Variants in GSE1 observed in about 807,000 individuals in gnomAD.
GSE1 encodes Gse1 coiled-coil protein.
A neutral mutation model predicts 112.6 loss-of-function variants in GSE1; 32 were observed. The observed-to-expected ratio is 0.28, with a 90% CI of 0.21 to 0.38. The LOEUF is 0.38. Ranked by LOEUF, GSE1 falls within the 10% of genes least tolerant of loss-of-function variation. The pLI is 1.00. For synonymous variants in GSE1, 1,115 were observed against 735.6 expected (o/e 1.52, Z -8.35); for missense variants, 2,348 against 1,699.2 (o/e 1.38, Z -6.71).
intron 1 of GSE1, among the ~76,000 whole-genome samples, chr16:85,264,857 T>C (rs1451441729): frequency 6.6e-6 from 1 of 152,088 alleles, no homozygotes; most frequent in Non-Finnish European, 1.5e-5. Flanking sequence ...GTCCTCGCAT[T>C]TGGAGATCAG....
intron 4 of GSE1, 135 bp downstream of exon 4, chr16:85,654,585 G>A (rs1442007404): frequency 1.2e-6 from 1 of 821,964 alleles, no homozygotes; most frequent in Non-Finnish European, 2.0e-6. Context: ...CTGAGCCCTG[G>A]GGATTGCAGC....
chr16:85,655,762 C>G lies in GSE1; in HGVS notation c.834C>G (p.Ser278=), dbSNP rs774120879. 2 of 1,609,402 alleles carry G rather than the reference C, an allele frequency of 1.2e-6. No individual in the cohort carries two copies. Residue 278 remains serine, a synonymous_variant, in exon 6 of 16, where the codon TCC becomes TCG. Transcript: ENST00000253458. ...DDSYCLSALR[S]PFYPIPTPGS... ...CCTACTGCCTGTCTGCCCTGAGGTCCCCGTTCTACCCCATCCCCACCCCCG... is the reference window on the plus strand; with the variant it reads ...CCTACTGCCTGTCTGCCCTGAGGTCGCCGTTCTACCCCATCCCCACCCCCG...
chr16:85,395,707 G>A (rs893609972), intron 2 of GSE1, among the ~76,000 whole-genome samples: 5 of 152,028 alleles, frequency 3.3e-5, no homozygotes, highest in African/African-American at 7.2e-5. Context: ...TGTCACGTCC[G>A]CCCTCCCCTG....
In GSE1 at chr16:85,663,541, T is replaced by C. The variant is rs1420795949; in HGVS notation, c.2571T>C (p.Ser857=). The C allele has an allele frequency of 6.2e-7, 1 of 1,612,654 alleles. No homozygotes were observed. The highest frequency in any genetic ancestry group is 1.7e-5 in the Admixed American group (1 of 59,862). ...ACAGCCCTGATGAGATGAACAACAG[T>C]CCCAACTTCGAAGAAAAGAAGAAGT... ...TRYSPDEMNN[S]PNFEEKKKFL... Residue 857 remains serine, a synonymous_variant, in exon 11 of 16, where the codon AGT becomes AGC. Transcript: ENST00000253458.
intron 12 of GSE1, 31 bp from the exon 13 acceptor site, chr16:85,665,945 T>G (rs1324889324): frequency 2.5e-6 from 4 of 1,609,168 alleles, no homozygotes; most frequent in Non-Finnish European, 3.4e-6. Flanking sequence ...CTTGCATTTC[T>G]TAATATTTTC....
rs868514192 is a variant in GSE1 at position 85,541,918 on chromosome 16, G to A, written c.2465-91996G>A. 7.9e-5 allele frequency among the ~76,000 whole-genome samples: 12 copies of A among 152,360 alleles called. 1 individual carries two copies. The Middle Eastern group carries it at 0.02, about 259-fold the overall frequency. On this transcript the variant is annotated intron_variant, in intron 2 of 2. Coordinates refer to the GSE1 transcript ENST00000637419. ...AACGGGCTGAGCATGAGGGAAGGCT[G>A]TCTGGGCATCAGGGGAGTTGTGAAG...
intron 1 of GSE1, among the ~76,000 whole-genome samples, chr16:85,182,749 G>A (rs2074615922): frequency 6.6e-6 from 1 of 152,096 alleles, no homozygotes; most frequent in Non-Finnish European, 1.5e-5. Flanking sequence ...CAGGCGTGCT[G>A]GGAGCCGCCT....
chr16:85,578,395 C>T (rs1324237137), intron 1 of GSE1, among the ~76,000 whole-genome samples: 1 of 152,230 alleles, frequency 6.6e-6, no homozygotes, highest in African/African-American at 2.4e-5. Flanking sequence ...GCCTTTAGTC[C>T]TTCTGTTGGC....
intron 3 of GSE1, among the ~76,000 whole-genome samples, chr16:85,650,244 G>C (rs995345285): frequency 2.0e-5 from 3 of 152,164 alleles, no homozygotes; most frequent in Admixed American, 1.3e-4. Flanking sequence ...GGGAGGCTGA[G>C]GGAGTTGTTA....
intron 1 of GSE1, among the ~76,000 whole-genome samples, chr16:85,337,697 G>C (rs903414810): frequency 6.6e-6 from 1 of 152,204 alleles, no homozygotes. Flanking sequence ...TTGCCTTCAG[G>C]GGTCCATGGG....
chr16:85,621,974 G>A (rs1323009978), intron 1 of GSE1, among the ~76,000 whole-genome samples: 1 of 152,226 alleles, frequency 6.6e-6, no homozygotes, highest in Non-Finnish European at 1.5e-5. Context: ...GGCAGAGACT[G>A]CCAGCTCCCA....
intron 1 of GSE1, among the ~76,000 whole-genome samples, chr16:85,186,733 C>T (rs768405429): frequency 1.3e-5 from 2 of 152,126 alleles, no homozygotes; most frequent in African/African-American, 4.8e-5. Context: ...CCACTGCACT[C>T]CAGCCTGGGT....
At chr16:85,295,954 G>A (rs1449808226) in intron 1 of GSE1, among the ~76,000 whole-genome samples, 2 of 152,068 alleles carry the variant, frequency 1.3e-5, no homozygotes, top group East Asian at 3.9e-4. Flanking sequence ...TTTGTAAAAG[G>A]AAGGGCGACC....
chr16:85,230,132 T>C (rs34152023), intron 1 of GSE1, among the ~76,000 whole-genome samples: 2 of 152,228 alleles, frequency 1.3e-5, no homozygotes, highest in African/African-American at 4.8e-5. Context: ...CTGTAAGTGG[T>C]GCTGTCTGCA....
At chr16:85,481,934 C>T (rs775144278) in intron 2 of GSE1, among the ~76,000 whole-genome samples, 1 of 152,258 alleles carries the variant, frequency 6.6e-6, no homozygotes, top group African/African-American at 2.4e-5. Context: ...CAGCCGCCGA[C>T]GGACCATACC....
rs1298078614 is a variant in GSE1, at chr16:85,458,790, G to A, written c.2464+101147G>A. On this transcript the variant is annotated intron_variant, in intron 2 of 2. Transcript: ENST00000637419. ...GATCCTGGTGCTTCTTAAAGTATGA[G>A]GTCCCCTGTGCTGCAGGAGGGATAG... Among the ~76,000 whole-genome samples the A allele has an allele frequency of 2.0e-5, 3 of 152,268 alleles. No homozygotes were observed. In the East Asian group the frequency reaches 5.8e-4, roughly 29 times the overall value.
intron 2 of GSE1, among the ~76,000 whole-genome samples, chr16:85,537,708 G>C (rs999913833): frequency 3.3e-5 from 5 of 152,258 alleles, no homozygotes; most frequent in African/African-American, 1.2e-4. Flanking sequence ...CTGCATAGCT[G>C]ATCCCATGGT....
intron 1 of GSE1, among the ~76,000 whole-genome samples, chr16:85,585,079 C>T (rs1470328990): frequency 6.6e-6 from 1 of 152,104 alleles, no homozygotes; most frequent in African/African-American, 2.4e-5. Flanking sequence ...GTTGCGAGGA[C>T]ATTTTCTAAA....
intron 2 of GSE1, among the ~76,000 whole-genome samples, chr16:85,636,796 C>G (rs2050038977): frequency 6.6e-6 from 1 of 152,184 alleles, no homozygotes; most frequent in African/African-American, 2.4e-5. Context: ...GCCAGTGGAG[C>G]AGGGAGCTGG....
Sources: allele counts gnomAD v4.1 joint callset (sites outside exome capture counted in the v4.1 genomes callset), GRCh38; gene constraint gnomAD v4.1.1; transcripts MANE v1.5; gene names NCBI Gene and HGNC (gene_info 2026-07-23, HGNC 2026-07-21).